Variants in HS3ST6 observed in about 807,000 individuals in gnomAD.
HS3ST6 encodes the protein heparan sulfate-glucosamine 3-sulfotransferase 6, also known as heparan sulfate glucosamine 3-O-sulfotransferase 6.
A neutral mutation model predicts 11.0 loss-of-function variants in HS3ST6; 13 were observed. The ratio of observed to expected loss-of-function variants is 1.18; its 90% CI spans 0.77 to 1.88. The LOEUF is 1.88. HS3ST6 is among the 40% of genes most tolerant of loss of function. The pLI is 0.00. For synonymous variants in HS3ST6, 232 were observed against 230.6 expected (o/e 1.01, Z -0.06); for missense variants, 541 against 494.4 (o/e 1.09, Z -0.89).
At position 1,917,989 on chromosome 16, in the gene HS3ST6, A is replaced by G; in HGVS notation, c.335T>C (p.Leu112Pro). The change falls in exon 1 of 2, where the codon CTG (leucine) becomes CCG (proline). Residue 112 changes from leucine to proline, a missense_variant. By Grantham distance (98) the Leu-to-Pro change is moderately conservative. Coordinates refer to ENST00000454677, the MANE Select transcript of HS3ST6 (RefSeq NM_001009606.4). ...GCCCAGCGCGCGGACGTCGGGGTGCAGCCGCAGAAACTCCAGCAGGGCGCG... is the reference window on the plus strand; with the variant it reads ...GCCCAGCGCGCGGACGTCGGGGTGCGGCCGCAGAAACTCCAGCAGGGCGCG... Reference protein sequence around the residue: ...GTRALLEFLRLHPDVRALGSE... With the variant: ...GTRALLEFLRPHPDVRALGSE... 6.4e-7 allele frequency: 1 copy of G among 1,554,232 alleles called. No homozygotes were observed. Among genetic ancestry groups the G allele is most frequent in the Non-Finnish European group, 8.6e-7 (1 of 1,159,482 alleles).
At position 1,911,972 on chromosome 16, in the gene HS3ST6, A is replaced by T. The variant is rs754103419; in HGVS notation, c.647T>A (p.Val216Glu). The T allele has an allele frequency of 6.4e-7, 1 of 1,557,590 alleles. No homozygotes were observed. The stretch of plus-strand genomic sequence containing the variant: ...GCGGACGGCGCTCCAGGCTGTGTCC[A>T]CGGGGCCCAGGCCGTGGCGGAAGGC... ...ALAFRHGLGP[V>E]DTAWSAVRIG... The change falls in exon 2 of 2, where the codon GTG becomes GAG. Residue 216 changes from valine (V) to glutamate (E), a missense_variant. By Grantham distance (121) the Val-to-Glu change is moderately radical. Coordinates refer to ENST00000454677, the MANE Select transcript of HS3ST6 (RefSeq NM_001009606.4).
intron 1 of HS3ST6, among the ~76,000 whole-genome samples, chr16:1,915,125 G>A (rs1407620685): frequency 1.3e-5 from 2 of 152,190 alleles, no homozygotes; most frequent in African/African-American, 2.4e-5. Context: ...AGAAAGTGCA[G>A]GGGGACTGCA....
rs1306020208 is a variant in HS3ST6 at position 1,916,762 on chromosome 16, G to T, written c.413+1149C>A. Among the ~76,000 whole-genome samples the T allele has an allele frequency of 2.6e-4, 5 of 19,282 alleles. No individual in the cohort carries two copies. The Admixed American group carries it at 2.9e-3, about 11-fold the overall frequency. 12.6% of individuals were successfully genotyped at this position (19,282 alleles called of 152,430 possible). A position where few individuals can be genotyped will look rare whatever the true frequency, so the allele number is the denominator to read the frequency against. On this transcript the variant is annotated intron_variant, in intron 1 of 1. Coordinates refer to ENST00000454677, the MANE Select transcript of HS3ST6 (RefSeq NM_001009606.4). Reference sequence around the variant, plus strand: ...CCTCCCGCCTCTCCCCTCCTCCCCCGTCTCGCCACTCCCCTCCTCCCCAGC... The same window carrying T: ...CCTCCCGCCTCTCCCCTCCTCCCCCTTCTCGCCACTCCCCTCCTCCCCAGC...
At chr16:1,915,984 A>G (rs959675087) in intron 1 of HS3ST6, among the ~76,000 whole-genome samples, 3 of 152,246 alleles carry the variant, frequency 2.0e-5, no homozygotes, top group African/African-American at 7.2e-5. Context: ...GTCGGCACCC[A>G]GAACAGAGCT....
Position 1,918,132 on chromosome 16 carries a change from GGGCGCGGGGGCC to G in HS3ST6, c.180_191del (p.Ala61_Pro64del), listed in dbSNP as rs1304892416. 4 of 1,213,744 alleles carry G rather than the reference GGGCGCGGGGGCC, an allele frequency of 3.3e-6. No individual in the cohort carries two copies. Among genetic ancestry groups the G allele is most frequent in the Non-Finnish European group, 4.1e-6 (4 of 977,418 alleles). 75.2% of individuals were successfully genotyped at this position (1,213,744 alleles called of 1,614,324 possible). A position where few individuals can be genotyped will look rare whatever the true frequency, so the allele number is the denominator to read the frequency against. On this transcript the variant is annotated inframe_deletion, in exon 1 of 2. Transcript: ENST00000454677. The surrounding 1 kb of genome is among the most constrained non-coding windows in gnomAD (Gnocchi z 6.0). The stretch of plus-strand genomic sequence containing the variant: ...GGTGGACGGAGCTGGACGGCTCGGA[GGGCGCGGGGGCC>G]GGCGCGGGGGCGCGGGCGGCCGGCG...
At chr16:1,916,154 G>A (rs1053167829) in intron 1 of HS3ST6, among the ~76,000 whole-genome samples, 1 of 152,208 alleles carries the variant, frequency 6.6e-6, no homozygotes, top group Non-Finnish European at 1.5e-5. Context: ...CCAGCCCCAC[G>A]TGGCCACGGC....
At position 1,912,436 on chromosome 16, in the gene HS3ST6, G is replaced by A. The variant is rs898649280; in HGVS notation, c.414-231C>T. On this transcript the variant is annotated intron_variant, in intron 1 of 1. Transcript: ENST00000454677. This position sits in a 1 kb window ranked among gnomAD's most constrained non-coding sequence, Gnocchi z 5.6. ...TGCCTGCAGCCCGGCCTGTTCCGCCGGCCTGCCCCGCCTGCTGCTGCACTG... is the reference window on the plus strand; with the variant it reads ...TGCCTGCAGCCCGGCCTGTTCCGCCAGCCTGCCCCGCCTGCTGCTGCACTG... Among the ~76,000 whole-genome samples, 2 of 152,082 alleles carry A rather than the reference G, an allele frequency of 1.3e-5. No homozygotes were observed. Among genetic ancestry groups the A allele is most frequent in the Admixed American group, 6.5e-5 (1 of 15,278 alleles).
chr16:1,920,442 C>T (rs994497208), upstream of HS3ST6, among the ~76,000 whole-genome samples: 5 of 91,694 alleles, frequency 5.5e-5, no homozygotes, highest in East Asian at 7.9e-4. Flanking sequence ...CGGTCTCAGC[C>T]GTCCCCACAG....
Position 1,917,959 on chromosome 16 carries a change from T to G in HS3ST6, c.365A>C (p.Glu122Ala). Residue 122 changes from glutamate (E) to alanine (A), a missense_variant, in exon 1 of 2, where the codon GAG becomes GCG. By Grantham distance (107) the Glu-to-Ala change is moderately radical. Coordinates refer to ENST00000454677, the MANE Select transcript of HS3ST6 (RefSeq NM_001009606.4). ...GTAGCACCTGTCGAAGAAGTGGGGC[T>G]CAGAGCCCAGCGCGCGGACGTCGGG... is the stretch of plus-strand genomic sequence containing the variant. ...LHPDVRALGS[E>A]PHFFDRCYER... The G allele has an allele frequency of 6.6e-7, 1 of 1,522,402 alleles. No homozygotes were observed. The highest frequency in any genetic ancestry group is 8.8e-7 in the Non-Finnish European group (1 of 1,141,080). 94.3% of individuals were successfully genotyped at this position (1,522,402 alleles called of 1,614,324 possible).
At position 1,911,989 on chromosome 16, in the gene HS3ST6, G is replaced by A; in HGVS notation, c.630C>T (p.Arg210=). ...GLPSFRALAF[R]HGLGPVDTAW... ...CTGTGTCCACGGGGCCCAGGCCGTGGCGGAAGGCCAGGGCGCGGAAGCTGG... is the reference window on the plus strand; with the variant it reads ...CTGTGTCCACGGGGCCCAGGCCGTGACGGAAGGCCAGGGCGCGGAAGCTGG... The change falls in exon 2 of 2, where the codon CGC becomes CGT. Residue 210 remains arginine (R), a synonymous_variant. Transcript: ENST00000454677. 1.9e-6 allele frequency: 3 copies of A among 1,540,368 alleles called. No individual in the cohort carries two copies. The highest frequency in any genetic ancestry group is 1.7e-6 in the Non-Finnish European group (2 of 1,143,824).
chr16:1,918,001 T>C lies in HS3ST6; in HGVS notation c.323A>G (p.Glu108Gly). 1 of 1,549,656 alleles carries C rather than the reference T, an allele frequency of 6.5e-7. No homozygotes were observed. The highest frequency in any genetic ancestry group is 8.6e-7 in the Non-Finnish European group (1 of 1,157,046). Reference protein sequence around the residue: ...VKKGGTRALLEFLRLHPDVRA... With the variant: ...VKKGGTRALLGFLRLHPDVRA... ...GACGTCGGGGTGCAGCCGCAGAAAC[T>C]CCAGCAGGGCGCGCGTGCCGCCCTT... Residue 108 changes from glutamate to glycine, a missense_variant, in exon 1 of 2, where the codon GAG (glutamate) becomes GGG (glycine). Coordinates refer to ENST00000454677, the MANE Select transcript of HS3ST6 (RefSeq NM_001009606.4). This position sits in a 1 kb window ranked among gnomAD's most constrained non-coding sequence, Gnocchi z 6.0.
chr16:1,913,641 G>A (rs1440986752), intron 1 of HS3ST6, among the ~76,000 whole-genome samples: 1 of 152,202 alleles, frequency 6.6e-6, no homozygotes, highest in Non-Finnish European at 1.5e-5. Context: ...CCTGACTCCT[G>A]CCCTCTGAGG....
At chr16:1,916,062 G>C (rs184291505) in intron 1 of HS3ST6, among the ~76,000 whole-genome samples, 13 of 151,886 alleles carry the variant, frequency 8.6e-5, no homozygotes, top group Admixed American at 6.5e-4. Context: ...TGGGGAAACT[G>C]AGACAGGGTG....
At position 1,911,917 on chromosome 16, in the gene HS3ST6, G is replaced by A; in HGVS notation, c.702C>T (p.His234=). Reference sequence around the variant, plus strand: ...GGGACAGGGGGAAGTAGCGCAGCCAGTGGTCCAGGTGCTGGGCGTACAGGC... The same window carrying A: ...GGGACAGGGGGAAGTAGCGCAGCCAATGGTCCAGGTGCTGGGCGTACAGGC... The part of the protein sequence containing the change: ...RIGLYAQHLD[H]WLRYFPLSHF... The change falls in exon 2 of 2, where the codon CAC becomes CAT. Residue 234 remains histidine, a synonymous_variant. Coordinates refer to ENST00000454677, the MANE Select transcript of HS3ST6 (RefSeq NM_001009606.4). The A allele has an allele frequency of 6.2e-7, 1 of 1,601,032 alleles. No homozygotes were observed. Among genetic ancestry groups the A allele is most frequent in the South Asian group, 1.1e-5 (1 of 89,274 alleles).
rs1008598415 is a variant in HS3ST6 at position 1,918,188 on chromosome 16, C to A, written c.136G>T (p.Ala46Ser). The A allele has an allele frequency of 2.8e-6, 3 of 1,083,864 alleles. No homozygotes were observed. The highest frequency in any genetic ancestry group is 3.3e-6 in the Non-Finnish European group (3 of 896,348). The allele number at this position is 1,083,864 out of a possible 1,614,324, so 67.1% of individuals were successfully genotyped here. A position where few individuals can be genotyped will look rare whatever the true frequency, so the allele number is the denominator to read the frequency against. The change falls in exon 1 of 2, where the codon GCC (alanine) becomes TCC (serine). Residue 46 changes from alanine (A) to serine (S), a missense_variant. Physicochemically the swap from Ala to Ser is moderately conservative, Grantham distance 99. Transcript: ENST00000454677. This position sits in a 1 kb window ranked among gnomAD's most constrained non-coding sequence, Gnocchi z 6.0. ...ALVLGAYCLC[A>S]LPGRCPPAAR... ...GCCGGCGGGCAGCGGCCGGGGAGGG[C>A]GCAGAGGCAGTAGGCGCCGAGCACC...
At chr16:1,914,661 G>A (rs1353504660) in intron 1 of HS3ST6, among the ~76,000 whole-genome samples, 1 of 152,188 alleles carries the variant, frequency 6.6e-6, no homozygotes, top group Non-Finnish European at 1.5e-5. Context: ...CACCCTGCCA[G>A]GCCTTCTCTC....
At chr16:1,919,939 G>A (rs1015142660), upstream of HS3ST6, among the ~76,000 whole-genome samples, 1 of 152,188 alleles carries the variant, frequency 6.6e-6, no homozygotes, top group Non-Finnish European at 1.5e-5. Context: ...AGCTTGAAAC[G>A]GTATTGTTCC....
intron 1 of HS3ST6, among the ~76,000 whole-genome samples, chr16:1,917,597 A>G (rs560552992): frequency 6.6e-6 from 1 of 152,100 alleles, no homozygotes; most frequent in African/African-American, 2.4e-5. Context: ...AGGTAATCCC[A>G]CGGGCTGGAA....
At chr16:1,916,153 C>T (rs1169717905) in intron 1 of HS3ST6, among the ~76,000 whole-genome samples, 1 of 152,252 alleles carries the variant, frequency 6.6e-6, no homozygotes, top group Non-Finnish European at 1.5e-5. Context: ...ACCAGCCCCA[C>T]GTGGCCACGG....
Sources: gnomAD v4.1 joint callset for allele counts (sites outside exome capture counted in the v4.1 genomes callset) on GRCh38, gnomAD v4.1.1 for gene constraint, Gnocchi (gnomAD v3.1) non-coding constraint, MANE v1.5 for transcripts, NCBI Gene and HGNC (gene_info 2026-07-23, HGNC 2026-07-21) for gene names.